The following NSD1 variants were observed in gnomAD, a reference collection of about 807,000 sequenced individuals.
NSD1 encodes nuclear receptor binding SET domain protein 1, also known as histone-lysine N-methyltransferase, H3 lysine-36 specific.
Under a neutral mutation model 242.7 loss-of-function variants are expected in NSD1, and 26 were observed. The observed-to-expected ratio is 0.11, with a 90% CI of 0.08 to 0.15. The LOEUF (loss-of-function observed/expected upper bound fraction) is 0.15. Ranked by LOEUF, NSD1 falls within the 10% of genes least tolerant of loss-of-function variation. NSD1 has a pLI of 1.00. For missense variants in NSD1, 2,495 were observed against 3,272.8 expected, an observed-to-expected ratio of 0.76 and a Z score of 5.80; for synonymous variants, 1,106 against 1,178.1, an observed-to-expected ratio of 0.94 and a Z score of 1.25.
intron 3 of NSD1, among the ~76,000 whole-genome samples, chr5:177,199,581 TTTC>T: frequency 7.0e-6 from 1 of 142,446 alleles, no homozygotes; most frequent in Non-Finnish European, 1.6e-5. Flanking sequence ...AACTTAATAT[TTTC>T]TTTTCTTTTC....
At position 177,210,330 on chromosome 5, in the gene NSD1, A is replaced by G. The variant is rs373061819; in HGVS notation, c.1931A>G (p.Asp644Gly). ...ATTAGTATCTGTACCACTTCTGATG[A>G]TGGAAGCAGTGACCTGGATCCCATA... ...DSISICTTSD[D>G]GSSDLDPIEH... Residue 644 changes from aspartate (D) to glycine (G), a missense_variant, in exon 5 of 23, where the codon GAT (aspartate) becomes GGT (glycine). Transcript: ENST00000439151. 6.2e-7 allele frequency: 1 copy of G among 1,614,066 alleles called. No homozygotes were observed. Among genetic ancestry groups the G allele is most frequent in the Non-Finnish European group, 8.5e-7 (1 of 1,180,004 alleles).
At chr5:177,286,227 G>A (rs1362414364) in intron 20 of NSD1, among the ~76,000 whole-genome samples, 2 of 152,198 alleles carry the variant, frequency 1.3e-5, no homozygotes, top group East Asian at 1.9e-4. Flanking sequence ...CAATTTAAAT[G>A]TGTTGTCCAG....
intron 19 of NSD1, 92 bp from the exon 20 acceptor site, chr5:177,283,695 A>G: frequency 7.0e-7 from 1 of 1,430,832 alleles, no homozygotes; most frequent in Non-Finnish European, 9.8e-7. Context: ...CTTTACAAAT[A>G]GAAACTCCAA....
intron 17 of NSD1, among the ~76,000 whole-genome samples, chr5:177,276,203 T>G (rs1758368395): frequency 6.6e-6 from 1 of 152,008 alleles, no homozygotes; most frequent in South Asian, 2.1e-4. Flanking sequence ...AGAACTGGGA[T>G]TACAGGCGTG....
At chr5:177,137,020 G>C (rs893246241) in intron 2 of NSD1, 1 of 529,418 alleles carries the variant, frequency 1.9e-6, no homozygotes, top group Non-Finnish European at 3.4e-6. Context: ...TATAGAAATG[G>C]AGAGTATCTT....
intron 2 of NSD1, among the ~76,000 whole-genome samples, chr5:177,179,745 A>C (rs1299458933): frequency 1.3e-5 from 2 of 152,166 alleles, no homozygotes; most frequent in African/African-American, 4.8e-5. Context: ...AGAAGTCCAG[A>C]GGAATTGATT....
At chr5:177,184,684 A>G (rs2149812118) in intron 2 of NSD1, among the ~76,000 whole-genome samples, 1 of 151,968 alleles carries the variant, frequency 6.6e-6, no homozygotes, top group Non-Finnish European at 1.5e-5. Flanking sequence ...GTGTGCTACC[A>G]TGTCTGCCTG....
In NSD1 at chr5:177,209,927, A is replaced by G. The variant is rs529055416; in HGVS notation, c.1528A>G (p.Ser510Gly). ...RKSSDNPKRT[S>G]VKKGHIQFEA... The stretch of plus-strand genomic sequence containing the variant: ...GAGCTCTGATAATCCAAAAAGGACT[A>G]GTGTGAAAAAGGGCCACATACAATT... The change falls in exon 5 of 23, where the codon AGT (serine) becomes GGT (glycine). Residue 510 changes from serine to glycine, a missense_variant. Ser to Gly is a moderately conservative substitution (Grantham distance 56). Coordinates refer to ENST00000439151, the MANE Select transcript of NSD1 (RefSeq NM_022455.5). The G allele has an allele frequency of 1.9e-6, 3 of 1,614,150 alleles. No homozygotes were observed. The South Asian group carries it at 3.3e-5, about 18-fold the overall frequency.
chr5:177,137,863 C>G (rs970269158), intron 2 of NSD1, among the ~76,000 whole-genome samples: 1 of 152,010 alleles, frequency 6.6e-6, no homozygotes, highest in East Asian at 1.9e-4. Flanking sequence ...GTGGACAGAT[C>G]ACCTGAGGTC....
chr5:177,172,046 T>C (rs189374405), intron 2 of NSD1, among the ~76,000 whole-genome samples: 176 of 152,354 alleles, frequency 1.2e-3, no homozygotes, highest in African/African-American at 4.0e-3. Context: ...CTTAAGTCTT[T>C]GCTGTATACC....
chr5:177,244,605 G>C (rs1052486686), intron 9 of NSD1, among the ~76,000 whole-genome samples: 16 of 152,116 alleles, frequency 1.1e-4, no homozygotes, highest in Non-Finnish European at 1.5e-4. Flanking sequence ...CCAATTTCAT[G>C]GTCATACTCC....
At position 177,292,076 on chromosome 5, in the gene NSD1, T is replaced by C; in HGVS notation, c.6381T>C (p.Ala2127=). 2 of 1,614,204 alleles carry C rather than the reference T, an allele frequency of 1.2e-6. No individual in the cohort carries two copies. Among genetic ancestry groups the C allele is most frequent in the East Asian group, 2.2e-5 (1 of 44,882 alleles). The change falls in exon 22 of 23, where the codon GCT becomes GCC. Residue 2127 remains alanine (A), a synonymous_variant. Coordinates refer to ENST00000439151, the MANE Select transcript of NSD1 (RefSeq NM_022455.5). ...ATGAGTGTTTTAGTTGTGGGGATGC[T>C]GGCCAGCTCGTCTCCTGCAAGAAAC... ...REDECFSCGD[A]GQLVSCKKPG... is the part of the protein sequence containing the mutation.
chr5:177,261,259 T>TG (rs1756978440), intron 14 of NSD1, among the ~76,000 whole-genome samples: 1 of 145,216 alleles, frequency 6.9e-6, no homozygotes, highest in Non-Finnish European at 1.5e-5. Flanking sequence ...TTTTTTTTTT[T>TG]TGTAGAGATG....
chr5:177,295,023 C>G lies in NSD1; in HGVS notation c.7655C>G (p.Thr2552Arg). ...GCCAAGGCCTTTTTATATGAGCCAACAACTCAGGCCTCAGGAAGAGCTTCT... is the reference window on the plus strand; with the variant it reads ...GCCAAGGCCTTTTTATATGAGCCAAGAACTCAGGCCTCAGGAAGAGCTTCT... ...PPAKAFLYEP[T>R]TQASGRASAG... is the part of the protein sequence containing the mutation. Residue 2552 changes from threonine (T) to arginine (R), a missense_variant, in exon 23 of 23, where the codon ACA (threonine) becomes AGA (arginine). Thr to Arg is a moderately conservative substitution (Grantham distance 71). Coordinates refer to ENST00000439151, the MANE Select transcript of NSD1 (RefSeq NM_022455.5). The surrounding 1 kb of genome is among the most constrained non-coding windows in gnomAD (Gnocchi z 4.3). 1.2e-6 allele frequency: 2 copies of G among 1,614,240 alleles called. No individual in the cohort carries two copies. Among genetic ancestry groups the G allele is most frequent in the African/African-American group, 2.7e-5 (2 of 75,072 alleles).
intron 2 of NSD1, among the ~76,000 whole-genome samples, chr5:177,159,118 T>C (rs976883831): frequency 6.7e-6 from 1 of 148,320 alleles, no homozygotes; most frequent in Non-Finnish European, 1.5e-5. Context: ...TTTTGGCTTA[T>C]GGCAGCCTCC....
At chr5:177,137,965 C>T (rs2149759447) in intron 2 of NSD1, among the ~76,000 whole-genome samples, 1 of 151,902 alleles carries the variant, frequency 6.6e-6, no homozygotes, top group Non-Finnish European at 1.5e-5. Context: ...ATCCCAGCTA[C>T]TCGAGAGGCT....
rs114552631 is a variant in NSD1 at position 177,221,452 on chromosome 5, T to C, written c.3796+9257T>C. 2.0e-3 allele frequency among the ~76,000 whole-genome samples: 303 copies of C among 152,214 alleles called. 1 individual carries two copies. Among genetic ancestry groups the C allele is most frequent in the African/African-American group, 7.0e-3 (292 of 41,548 alleles). Reference sequence around the variant, plus strand: ...TAAGCTGTTAACAACTTAAGTTGAATGTATATAAAACTCTTTTTTTCCCCC... The same window carrying C: ...TAAGCTGTTAACAACTTAAGTTGAACGTATATAAAACTCTTTTTTTCCCCC... On this transcript the variant is annotated intron_variant, in intron 5 of 22. Transcript: ENST00000439151.
chr5:177,153,206 C>T (rs1260717194), intron 2 of NSD1, among the ~76,000 whole-genome samples: 4 of 138,164 alleles, frequency 2.9e-5, no homozygotes, highest in Non-Finnish European at 4.6e-5. Flanking sequence ...ATTTCTTTTT[C>T]TGTTTTTTTT....
chr5:177,257,973 C>CTTTTTTTTTTT (rs35034666), intron 13 of NSD1, among the ~76,000 whole-genome samples: 4 of 52,564 alleles, frequency 7.6e-5, no homozygotes, highest in Admixed American at 3.2e-4. Flanking sequence ...CCCCCTGGGC[C>CTTTTTTTTTTT]TTTTTTTTTT....
Sources: gnomAD v4.1 joint callset for allele counts (sites outside exome capture counted in the v4.1 genomes callset) on GRCh38, gnomAD v4.1.1 for gene constraint, Gnocchi (gnomAD v3.1) non-coding constraint, MANE v1.5 for transcripts, NCBI Gene and HGNC (gene_info 2026-07-23, HGNC 2026-07-21) for gene names.